TMED9: variants seen among roughly 807,000 people sequenced by gnomAD.
The protein encoded by TMED9 is transmembrane emp24 domain-containing protein 9.
A neutral mutation model predicts 30.6 loss-of-function variants in TMED9; 22 were observed. That is an observed-to-expected ratio of 0.72 (90% CI 0.51 to 1.03). The LOEUF (loss-of-function observed/expected upper bound fraction) is 1.03. Among genes scored for constraint, TMED9 ranks in the 50% least tolerant of loss-of-function variants. The pLI, the probability that TMED9 is intolerant of heterozygous loss-of-function variation, is 0.00. For missense variants in TMED9, 251 were observed against 302.1 expected (o/e 0.83, Z 1.25); for synonymous variants, 146 against 122.8 (o/e 1.19, Z -1.25).
Position 177,596,134 on chromosome 5 carries a change from C to T in TMED9, c.*718C>T, listed in dbSNP as rs1317264982. The T allele has an allele frequency of 1.3e-5, 2 of 152,630 alleles. No homozygotes were observed. Among genetic ancestry groups the T allele is most frequent in the Non-Finnish European group, 1.5e-5 (1 of 68,052 alleles). The allele number at this position is 152,630 out of a possible 1,614,324, so 9.5% of individuals were successfully genotyped here. On this transcript the variant is annotated 3_prime_UTR_variant, in exon 5 of 5. Coordinates refer to ENST00000332598, the MANE Select transcript of TMED9 (RefSeq NM_017510.6). ...GACTTCTTGTCCAGTGCAAGTGACT[C>T]AGTCATCAGTGGGCACACACTGCAG...
intron 2 of TMED9, 115 bp downstream of exon 2, chr5:177,592,790 T>C: frequency 1.3e-6 from 1 of 759,220 alleles, no homozygotes; most frequent in Non-Finnish European, 2.2e-6. Context: ...GTTGTGGGAA[T>C]ATCCTGCTGA....
At chr5:177,594,111 T>C in intron 3 of TMED9, 28 bp from the exon 4 acceptor site, 1 of 1,613,094 alleles carries the variant, frequency 6.2e-7, no homozygotes, top group Non-Finnish European at 8.5e-7. Flanking sequence ...GCTACCAGAT[T>C]TCCCTTATCT....
At chr5:177,595,229 C>T (rs1767665871) in intron 4 of TMED9, 38 bp from the exon 5 acceptor site, 1 of 1,498,362 alleles carries the variant, frequency 6.7e-7, no homozygotes, top group Non-Finnish European at 9.0e-7. Context: ...GTTCTAGCAG[C>T]CCCAGCCAAC....
chr5:177,593,921 C>A, intron 3 of TMED9, 146 bp downstream of exon 3: 1 of 1,288,276 alleles, frequency 7.8e-7, no homozygotes, highest in Non-Finnish European at 1.1e-6. Flanking sequence ...GTCCAGGACA[C>A]AGTGACTGAG....
Position 177,595,609 on chromosome 5 carries a change from CCTCT to C in TMED9, c.*200_*203del. ...AGCAGGTAGTGGGGCAAATTCCTGC[CCTCT>C]CTCTCTGGCCTCTGGGCCGTTTGGT... On this transcript the variant is annotated 3_prime_UTR_variant, in exon 5 of 5. Transcript: ENST00000332598. 1 of 551,962 alleles carries C rather than the reference CCTCT, an allele frequency of 1.8e-6. No homozygotes were observed. Among genetic ancestry groups the C allele is most frequent in the East Asian group, 3.4e-5 (1 of 29,638 alleles). The allele number at this position is 551,962 out of a possible 1,614,324, so 34.2% of individuals were successfully genotyped here. A position where few individuals can be genotyped will look rare whatever the true frequency, so the allele number is the denominator to read the frequency against.
At chr5:177,594,340 C>A in intron 4 of TMED9, 55 bp downstream of exon 4, 1 of 1,591,744 alleles carries the variant, frequency 6.3e-7, no homozygotes, top group Non-Finnish European at 8.6e-7. Context: ...CCCACTGGCT[C>A]AGCCAGGAAT....
At chr5:177,594,807 A>G (rs1241631701) in intron 4 of TMED9, among the ~76,000 whole-genome samples, 4 of 152,158 alleles carry the variant, frequency 2.6e-5, no homozygotes, top group Admixed American at 6.5e-5. Flanking sequence ...CTGCTGCACA[A>G]ATTACCTGTG....
At chr5:177,592,495 G>T in intron 1 of TMED9, 80 bp from the exon 2 acceptor site, 1 of 1,556,374 alleles carries the variant, frequency 6.4e-7, no homozygotes. Context: ...GGGAGGAGAC[G>T]GCCTCGCCGT....
In TMED9 at chr5:177,597,051, G is replaced by C. The variant is rs144657555; in HGVS notation, c.*1635G>C. Among the ~76,000 whole-genome samples, 2 of 152,232 alleles carry C rather than the reference G, an allele frequency of 1.3e-5. No homozygotes were observed. The highest frequency in any genetic ancestry group is 4.8e-5 in the African/African-American group (2 of 41,546). On this transcript the variant is annotated 3_prime_UTR_variant, in exon 5 of 5. Transcript: ENST00000332598. ...CAGGAAGAAGGAGACAAGTTTGGGG[G>C]CTGCTTCCCCTAATGGGATGATGCA...
At position 177,592,393 on chromosome 5, in the gene TMED9, T is replaced by C; in HGVS notation, c.179T>C (p.Val60Ala). Reference sequence around the variant, plus strand: ...GAGGAGATCCCGGACGAGACCATGGTCATAGGTGCGGGGGCGGGGAGGAAG... The same window carrying C: ...GAGGAGATCCCGGACGAGACCATGGCCATAGGTGCGGGGGCGGGGAGGAAG... The part of the protein sequence containing the change: ...FIEEIPDETM[V>A]IGNYRTQLYD... The change falls in exon 1 of 5, where the codon GTC becomes GCC. Residue 60 changes from valine to alanine, a missense_variant. By Grantham distance (64) the Val-to-Ala change is moderately conservative. This residue lies in a region of TMED9 where 153 missense variants were observed against 239.6 expected (regional missense o/e 0.64). Transcript: ENST00000332598. 1 of 1,598,064 alleles carries C rather than the reference T, an allele frequency of 6.3e-7. No homozygotes were observed. The highest frequency in any genetic ancestry group is 2.3e-5 in the East Asian group (1 of 44,286).
rs1213319087 is a variant in TMED9 at position 177,596,009 on chromosome 5, C to G, written c.*593C>G. On this transcript the variant is annotated 3_prime_UTR_variant, in exon 5 of 5. Transcript: ENST00000332598. Reference sequence around the variant, plus strand: ...AACTGGGACCAGACCAAGTAGAGGCCTTGGTGCTGGTTGGGGTGGGGCCTG... The same window carrying G: ...AACTGGGACCAGACCAAGTAGAGGCGTTGGTGCTGGTTGGGGTGGGGCCTG... The G allele has an allele frequency of 1.3e-5, 2 of 152,492 alleles. No homozygotes were observed. The highest frequency in any genetic ancestry group is 2.9e-5 in the Non-Finnish European group (2 of 68,048). 9.4% of individuals were successfully genotyped at this position (152,492 alleles called of 1,614,324 possible).
rs1323841751 is a variant in TMED9 at position 177,593,701 on chromosome 5, C to G, written c.337C>G (p.His113Asp). The change falls in exon 3 of 5, where the codon CAT (histidine) becomes GAT (aspartate). Residue 113 changes from histidine (H) to aspartate (D), a missense_variant. By Grantham distance (81) the His-to-Asp change is moderately conservative (BLOSUM62 -1). Coordinates refer to ENST00000332598, the MANE Select transcript of TMED9 (RefSeq NM_017510.6). Reference sequence around the variant, plus strand: ...CGAGGGCAGGTTCACTTTCACTTCCCATACCCCTGGTGAGCACCAGATCTG... The same window carrying G: ...CGAGGGCAGGTTCACTTTCACTTCCGATACCCCTGGTGAGCACCAGATCTG... ...GSEGRFTFTSHTPGEHQICLH... is the reference protein window; with the variant it reads ...GSEGRFTFTSDTPGEHQICLH... 1 of 1,614,092 alleles carries G rather than the reference C, an allele frequency of 6.2e-7. No homozygotes were observed. The highest frequency in any genetic ancestry group is 1.3e-5 in the African/African-American group (1 of 74,926).
Position 177,595,544 on chromosome 5 carries a change from C to A in TMED9, c.*128C>A. 8.5e-7 allele frequency: 1 copy of A among 1,169,716 alleles called. No homozygotes were observed. The allele number at this position is 1,169,716 out of a possible 1,614,324, so 72.5% of individuals were successfully genotyped here. A position where few individuals can be genotyped will look rare whatever the true frequency, so the allele number is the denominator to read the frequency against. On this transcript the variant is annotated 3_prime_UTR_variant, in exon 5 of 5. Transcript: ENST00000332598. ...TGGAAGGGAGAGGGGCTGGAGGCAC[C>A]CACAGGCACAAGCTGAAGGCAGCAG...
rs752671842 is a variant in TMED9, at chr5:177,592,697, T to C, written c.285+22T>C. 343 of 1,546,516 alleles carry C rather than the reference T, an allele frequency of 2.2e-4. No individual in the cohort carries two copies. In the African/African-American group the frequency reaches 4.5e-3, roughly 20 times the overall value. ...CAAGGTGAGCCAACCGCCCCCCTCC[T>C]CTCCGCCAGCCTCTCAGCTAGGCGG... On this transcript the variant is annotated intron_variant, in intron 2 of 4. Coordinates refer to ENST00000332598, the MANE Select transcript of TMED9 (RefSeq NM_017510.6).
At chr5:177,594,463 G>A (rs568172322) in intron 4 of TMED9, among the ~76,000 whole-genome samples, 178 bp downstream of exon 4, 58 of 152,344 alleles carry the variant, frequency 3.8e-4, no homozygotes, top group African/African-American at 1.4e-3. Context: ...ACTCGTAAGA[G>A]GCTGTCATTG....
Position 177,595,628 on chromosome 5 carries a change from G to A in TMED9, c.*212G>A. On this transcript the variant is annotated 3_prime_UTR_variant, in exon 5 of 5. Transcript: ENST00000332598. Reference sequence around the variant, plus strand: ...TCCTGCCCTCTCTCTCTGGCCTCTGGGCCGTTTGGTAGTAATCACCCAAGG... The same window carrying A: ...TCCTGCCCTCTCTCTCTGGCCTCTGAGCCGTTTGGTAGTAATCACCCAAGG... 1 of 436,234 alleles carries A rather than the reference G, an allele frequency of 2.3e-6. No individual in the cohort carries two copies. Among genetic ancestry groups the A allele is most frequent in the Non-Finnish European group, 4.0e-6 (1 of 249,888 alleles). 27.0% of individuals were successfully genotyped at this position (436,234 alleles called of 1,614,324 possible).
In TMED9 at chr5:177,596,339, C is replaced by A. The variant is rs1379477595; in HGVS notation, c.*923C>A. On this transcript the variant is annotated 3_prime_UTR_variant, in exon 5 of 5. Transcript: ENST00000332598. ...GCTGGGGCTCAAATTTACACCCTTT[C>A]CTCTGTGCCAGCTCCCTGGTGAAGT... Among the ~76,000 whole-genome samples, 1 of 152,352 alleles carries A rather than the reference C, an allele frequency of 6.6e-6. No individual in the cohort carries two copies. Among genetic ancestry groups the A allele is most frequent in the Admixed American group, 6.5e-5 (1 of 15,300 alleles).
rs542220213 is a variant in TMED9 at position 177,592,246 on chromosome 5, G to A, written c.32G>A (p.Arg11Gln). 3.1e-6 allele frequency: 5 copies of A among 1,610,336 alleles called. No individual in the cohort carries two copies. In the Admixed American group the frequency reaches 8.4e-5, roughly 27 times the overall value. MAVELGVLLVRPRPGTGLGRV... is the reference protein window; with the variant it reads MAVELGVLLVQPRPGTGLGRV... ...GTGGAGCTGGGCGTGCTGCTCGTCC[G>A]GCCCCGGCCCGGAACCGGGCTGGGT... is the stretch of plus-strand genomic sequence containing the variant. The change falls in exon 1 of 5, where the codon CGG (arginine) becomes CAG (glutamine). Residue 11 changes from arginine to glutamine, a missense_variant. Around this residue, in one of 2 missense-constraint regions of TMED9, gnomAD observed 98 missense variants for 62.5 expected, o/e 1.57. Coordinates refer to ENST00000332598, the MANE Select transcript of TMED9 (RefSeq NM_017510.6).
chr5:177,594,166 G>C lies in TMED9; in HGVS notation c.439G>C (p.Glu147Gln). The change falls in exon 4 of 5, where the codon GAA becomes CAA. Residue 147 changes from glutamate to glutamine, a missense_variant. Coordinates refer to ENST00000332598, the MANE Select transcript of TMED9 (RefSeq NM_017510.6). ...AGTTCACCTGGACATCCAGGTAGGT[G>C]AACATGCCAATGACTATGCAGAAAT... ...LRVHLDIQVG[E>Q]HANDYAEIAA... 1 of 1,614,190 alleles carries C rather than the reference G, an allele frequency of 6.2e-7. No individual in the cohort carries two copies.
Sources: gnomAD v4.1 joint callset for allele counts (sites outside exome capture counted in the v4.1 genomes callset) on GRCh38, gnomAD v4.1.1 for gene constraint, gnomAD v4.1.1 regional missense constraint, MANE v1.5 for transcripts, NCBI Gene and HGNC (gene_info 2026-07-23, HGNC 2026-07-21) for gene names.